Variants in TSPAN11 observed in about 807,000 individuals in gnomAD.
TSPAN11 encodes tetraspanin 11, also known as tetraspanin-11.
Under a neutral mutation model 32.9 loss-of-function variants are expected in TSPAN11, and 29 were observed. The ratio of observed to expected loss-of-function variants is 0.88; its 90% confidence interval spans 0.66 to 1.20. TSPAN11 has a LOEUF of 1.20. TSPAN11 is among the 50% of genes most tolerant of loss of function. The pLI, the probability that TSPAN11 is intolerant of heterozygous loss-of-function variation, is 0.00. For missense variants in TSPAN11, 283 were observed against 329.1 expected, an observed-to-expected ratio of 0.86 and a Z score of 1.08; for synonymous variants, 140 against 141.3, an observed-to-expected ratio of 0.99 and a Z score of 0.07.
At chr12:30,976,023 C>T (rs149174655) in intron 3 of TSPAN11, among the ~76,000 whole-genome samples, 4 of 152,278 alleles carry the variant, frequency 2.6e-5, no homozygotes, top group South Asian at 2.1e-4. Context: ...GGCCCAGCAG[C>T]GCATGGCAGG....
chr12:30,956,452 T>G (rs1456209259), intron 2 of TSPAN11, among the ~76,000 whole-genome samples: 1 of 152,172 alleles, frequency 6.6e-6, no homozygotes, highest in Admixed American at 6.5e-5. Flanking sequence ...ATTCCAAAGT[T>G]TGAAAAATTC....
At chr12:30,950,714 A>G (rs1421760817) in intron 1 of TSPAN11, among the ~76,000 whole-genome samples, 7 of 152,140 alleles carry the variant, frequency 4.6e-5, no homozygotes, top group Non-Finnish European at 1.5e-5. Flanking sequence ...GACTCCTTGA[A>G]CTTATTGACC....
At chr12:30,966,739 G>A (rs769227100) in intron 3 of TSPAN11, among the ~76,000 whole-genome samples, 1 of 152,230 alleles carries the variant, frequency 6.6e-6, no homozygotes, top group South Asian at 2.1e-4. Flanking sequence ...ATGGAGCAGT[G>A]GCTTTTGGAG....
chr12:31,002,718 C>T, the TSPAN11 span, among the ~76,000 whole-genome samples: 27 of 152,328 alleles, frequency 1.8e-4, no homozygotes, highest in Admixed American at 1.8e-3. The surrounding 1 kb of genome is among the most constrained non-coding windows in gnomAD (Gnocchi z 4.8). Flanking sequence ...AGCACCTCCA[C>T]CTATATAGGG....
intron 3 of TSPAN11, among the ~76,000 whole-genome samples, chr12:30,971,018 T>C (rs1330929598): frequency 1.3e-5 from 2 of 152,128 alleles, no homozygotes; most frequent in Non-Finnish European, 1.5e-5. Context: ...TGTAATCCTC[T>C]CACACACAGA....
chr12:31,008,892 GGA>G, the TSPAN11 span, among the ~76,000 whole-genome samples: 1 of 152,200 alleles, frequency 6.6e-6, no homozygotes, highest in Non-Finnish European at 1.5e-5. Flanking sequence ...TCTAAGAGAA[GGA>G]GAGACTCGGA....
chr12:30,938,211 T>A (rs960476136), intron 1 of TSPAN11, among the ~76,000 whole-genome samples: 12 of 152,156 alleles, frequency 7.9e-5, no homozygotes, highest in African/African-American at 2.9e-4. Context: ...AGAAAAGATA[T>A]CTACCTACAG....
Position 30,993,829 on chromosome 12 carries a change from CA to C in TSPAN11, c.*1915del, listed in dbSNP as rs1939365212. ...AGCCATGTTCTTCCTGCCGAGGTGC[CA>C]GGGGGAGGCGGCAGTGGGCAGGGGG... On this transcript the variant is annotated 3_prime_UTR_variant, in exon 8 of 8. Coordinates refer to ENST00000546076, the MANE Select transcript of TSPAN11 (RefSeq NM_001370302.1). The C allele has an allele frequency of 6.6e-6, 1 of 152,400 alleles. No individual in the cohort carries two copies. The highest frequency in any genetic ancestry group is 1.5e-5 in the Non-Finnish European group (1 of 68,170). The allele number at this position is 152,400 out of a possible 1,614,324, so 9.4% of individuals were successfully genotyped here.
chr12:30,990,103 C>T (rs1419376835), intron 7 of TSPAN11, among the ~76,000 whole-genome samples: 1 of 152,176 alleles, frequency 6.6e-6, no homozygotes, highest in African/African-American at 2.4e-5. Context: ...TGGGTGGCAT[C>T]CTGTACCCTC....
chr12:30,940,787 T>A (rs945867434), intron 1 of TSPAN11, among the ~76,000 whole-genome samples: 5 of 152,250 alleles, frequency 3.3e-5, no homozygotes. Context: ...CATGCCCCAG[T>A]AGGAACCAGC....
At chr12:30,958,920 G>C (rs1183129144) in intron 2 of TSPAN11, among the ~76,000 whole-genome samples, 4 of 152,124 alleles carry the variant, frequency 2.6e-5, no homozygotes, top group Non-Finnish European at 5.9e-5. Context: ...GATACCGAGG[G>C]CGCAACCCCA....
At chr12:30,940,603 T>C (rs951553530) in intron 1 of TSPAN11, among the ~76,000 whole-genome samples, 2 of 152,112 alleles carry the variant, frequency 1.3e-5, no homozygotes, top group Non-Finnish European at 2.9e-5. Flanking sequence ...TTTAAGTGAA[T>C]AGAAGCACTG....
At chr12:30,984,205 G>A (rs10843871) in intron 7 of TSPAN11, among the ~76,000 whole-genome samples, 86,902 of 152,122 alleles carry the variant, frequency 0.57, 26,489 homozygotes, top group South Asian at 0.71. Flanking sequence ...CCACTCCAGG[G>A]CTAAGCACCA....
chr12:30,950,846 A>C (rs1938367207), intron 1 of TSPAN11, among the ~76,000 whole-genome samples: 1 of 152,190 alleles, frequency 6.6e-6, no homozygotes. Flanking sequence ...CTACACACAC[A>C]CATTGAGGAT....
chr12:30,972,806 G>C (rs961606968), intron 3 of TSPAN11, among the ~76,000 whole-genome samples: 11 of 151,818 alleles, frequency 7.2e-5, no homozygotes, highest in Non-Finnish European at 1.6e-4. Context: ...GGCTGCGCAG[G>C]GGGGAGGTGG....
chr12:31,000,094 A>G (rs1466406113), downstream of TSPAN11, among the ~76,000 whole-genome samples: 1 of 152,248 alleles, frequency 6.6e-6, no homozygotes, highest in African/African-American at 2.4e-5. Flanking sequence ...GGCTAAATCC[A>G]TAGCCTCTCA....
chr12:30,929,756 G>A (rs893504042), intron 1 of TSPAN11, among the ~76,000 whole-genome samples: 1 of 152,188 alleles, frequency 6.6e-6, no homozygotes, highest in African/African-American at 2.4e-5. Flanking sequence ...TACATGTGAT[G>A]ACCCTGATCT....
intron 3 of TSPAN11, 67 bp from the exon 4 acceptor site, chr12:30,978,494 G>A (rs1403486187): frequency 6.5e-7 from 1 of 1,527,630 alleles, no homozygotes; most frequent in Non-Finnish European, 9.1e-7. Flanking sequence ...CCCCACCACT[G>A]TGGGGAAACA....
chr12:30,997,664 T>C (rs1939435825), downstream of TSPAN11, among the ~76,000 whole-genome samples: 1 of 152,062 alleles, frequency 6.6e-6, no homozygotes, highest in Non-Finnish European at 1.5e-5. Context: ...CATTGAGAAT[T>C]ACAATTTGAC....
Sources: gnomAD v4.1 joint callset for allele counts (sites outside exome capture counted in the v4.1 genomes callset) on GRCh38, gnomAD v4.1.1 for gene constraint, Gnocchi (gnomAD v3.1) non-coding constraint, MANE v1.5 for transcripts, NCBI Gene and HGNC (gene_info 2026-07-23, HGNC 2026-07-21) for gene names.